KLHDC1: variants seen among roughly 807,000 people sequenced by gnomAD.
KLHDC1 encodes the protein kelch domain containing 1, also known as kelch domain-containing protein 1.
A neutral mutation model predicts 68.3 loss-of-function variants in KLHDC1; 53 were observed. The observed-to-expected ratio is 0.78, with a 90% CI of 0.62 to 0.98. The LOEUF (loss-of-function observed/expected upper bound fraction) is 0.98, where lower values mean the gene tolerates loss of function less well. Ranked by LOEUF, KLHDC1 falls within the 50% of genes least tolerant of loss-of-function variation. The pLI, the probability that KLHDC1 is intolerant of heterozygous loss-of-function variation, is 0.00. For missense variants in KLHDC1, 470 were observed against 492.3 expected (o/e 0.95, Z 0.43); for synonymous variants, 148 against 159.0 (o/e 0.93, Z 0.52).
chr14:49,749,884 C>T (rs1232009035), intron 12 of KLHDC1, among the ~76,000 whole-genome samples: 1 of 152,016 alleles, frequency 6.6e-6, no homozygotes, highest in Non-Finnish European at 1.5e-5. Flanking sequence ...ATGGCAAAAC[C>T]CCATCTCTAT....
At chr14:49,711,986 CG>C (rs1399697594) in intron 4 of KLHDC1, among the ~76,000 whole-genome samples, 3 of 135,344 alleles carry the variant, frequency 2.2e-5, no homozygotes, top group African/African-American at 8.3e-5. Flanking sequence ...GGTGCCATCT[CG>C]GCTCACTGTA....
chr14:49,737,094 G>C (rs137991285), intron 10 of KLHDC1, among the ~76,000 whole-genome samples: 46 of 152,288 alleles, frequency 3.0e-4, no homozygotes, highest in Non-Finnish European at 3.4e-4. Flanking sequence ...GTATCGCCAA[G>C]GTTACACATA....
At chr14:49,737,464 C>T (rs1888955192) in intron 10 of KLHDC1, among the ~76,000 whole-genome samples, 1 of 151,966 alleles carries the variant, frequency 6.6e-6, no homozygotes, top group Admixed American at 6.6e-5. Context: ...GTTATGTGTC[C>T]CAGTTCCTGG....
chr14:49,719,482 G>A (rs1241326271), intron 4 of KLHDC1, among the ~76,000 whole-genome samples: 1 of 151,686 alleles, frequency 6.6e-6, no homozygotes, highest in Non-Finnish European at 1.5e-5. Flanking sequence ...AGGCTGAAGT[G>A]CAGTGATGCG....
intron 3 of KLHDC1, 118 bp from the exon 4 acceptor site, chr14:49,710,145 G>T: frequency 1.7e-6 from 1 of 581,380 alleles, no homozygotes; most frequent in Non-Finnish European, 3.0e-6. Context: ...ATTTTAATAG[G>T]TAACAAGCTT....
chr14:49,695,116 ATGTGTGTGTGTGTGTGTG>A (rs71115393), intron 1 of KLHDC1, among the ~76,000 whole-genome samples: 2 of 142,094 alleles, frequency 1.4e-5, no homozygotes, highest in Admixed American at 7.1e-5. Context: ...TGCAGTTTTG[ATGTGTGTGTGTGTGTGTG>A]TGTGTGTGTG....
chr14:49,713,821 TATATATATATATATATATATATATATA>T (rs1888281847), intron 4 of KLHDC1, among the ~76,000 whole-genome samples: 4 of 3,160 alleles, frequency 1.3e-3, no homozygotes, highest in African/African-American at 2.1e-3. Flanking sequence ...TATATATATA[TATATATATATATATATATATATATATA>T]TATTTTTTTT....
chr14:49,739,108 C>T (rs894857243), intron 10 of KLHDC1, among the ~76,000 whole-genome samples: 3 of 152,174 alleles, frequency 2.0e-5, no homozygotes, highest in African/African-American at 7.2e-5. Flanking sequence ...GTAACAGAAC[C>T]AGTTTTGGGT....
At chr14:49,731,352 A>G (rs891740761) in intron 8 of KLHDC1, among the ~76,000 whole-genome samples, 1 of 152,236 alleles carries the variant, frequency 6.6e-6, no homozygotes. Flanking sequence ...AACAAATTGT[A>G]TCTTCCAAAA....
At chr14:49,698,804 C>A (rs1037293523) in intron 1 of KLHDC1, among the ~76,000 whole-genome samples, 5 of 152,080 alleles carry the variant, frequency 3.3e-5, no homozygotes, top group Non-Finnish European at 7.4e-5. Context: ...GTGTGAGCCA[C>A]TGTGCCTGGC....
intron 4 of KLHDC1, among the ~76,000 whole-genome samples, chr14:49,722,327 CAT>C (rs974063955): frequency 6.6e-6 from 1 of 152,160 alleles, no homozygotes; most frequent in Non-Finnish European, 1.5e-5. Context: ...CAAGTGTTCT[CAT>C]TGTTCAGTTC....
In KLHDC1 at chr14:49,732,696, T is replaced by C. The variant is rs779694250; in HGVS notation, c.711-8T>C. The C allele has an allele frequency of 5.1e-6, 7 of 1,375,930 alleles. No individual in the cohort carries two copies. The highest frequency in any genetic ancestry group is 1.7e-5 in the Admixed American group (1 of 57,574). 85.2% of individuals were successfully genotyped at this position (1,375,930 alleles called of 1,614,324 possible). On this transcript the variant is annotated splice_region_variant and splice_polypyrimidine_tract_variant and intron_variant, in intron 8 of 12. Transcript: ENST00000359332. ...AGTACCTAGACTTTCTTTTTCTCCT[T>C]GCCACAGGATTACTATTAATGGAGA...
chr14:49,739,777 G>A (rs1227467215), intron 10 of KLHDC1, among the ~76,000 whole-genome samples: 2 of 152,164 alleles, frequency 1.3e-5, no homozygotes, highest in African/African-American at 2.4e-5. Context: ...CTGGCTGCGT[G>A]TGGTGGCTCA....
intron 12 of KLHDC1, chr14:49,751,155 A>G (rs1202191365): frequency 6.6e-6 from 1 of 152,278 alleles, no homozygotes; most frequent in Non-Finnish European, 1.5e-5. Context: ...GGTAAGCCAT[A>G]TATTCTGTTT....
intron 11 of KLHDC1, among the ~76,000 whole-genome samples, chr14:49,741,567 G>A (rs934961521): frequency 2.6e-5 from 4 of 151,920 alleles, no homozygotes; most frequent in African/African-American, 4.8e-5. Flanking sequence ...TCAGCCTCCC[G>A]AAGTGCAGGG....
rs772018327 is a variant in KLHDC1, at chr14:49,693,314, G to C, written c.96+24G>C. On this transcript the variant is annotated intron_variant, in intron 1 of 12. Coordinates refer to ENST00000359332, the MANE Select transcript of KLHDC1 (RefSeq NM_172193.3). The stretch of plus-strand genomic sequence containing the variant: ...TGGTAAGGGGAAGAGGCGGGACGGG[G>C]TAGACTCGCGCCGGGAGACCCTCGG... 10 of 1,437,032 alleles carry C rather than the reference G, an allele frequency of 7.0e-6. No homozygotes were observed. In the African/African-American group the frequency reaches 1.5e-4, roughly 21 times the overall value. The allele number at this position is 1,437,032 out of a possible 1,614,324, so 89.0% of individuals were successfully genotyped here. A position where few individuals can be genotyped will look rare whatever the true frequency, so the allele number is the denominator to read the frequency against.
intron 4 of KLHDC1, 108 bp from the exon 5 acceptor site, chr14:49,723,766 C>T: frequency 1.6e-6 from 1 of 618,150 alleles, no homozygotes; most frequent in Non-Finnish European, 2.8e-6. Context: ...TCTTTTTAAA[C>T]TGTGATTTTG....
At chr14:49,713,840 A>T (rs1484244854) in intron 4 of KLHDC1, among the ~76,000 whole-genome samples, 9,435 of 14,866 alleles carry the variant, frequency 0.63, 2,817 homozygotes, top group East Asian at 0.84. Flanking sequence ...ATATATATAT[A>T]TATATATATA....
At chr14:49,722,129 TTTG>T (rs1395674262) in intron 4 of KLHDC1, among the ~76,000 whole-genome samples, 2 of 152,328 alleles carry the variant, frequency 1.3e-5, no homozygotes, top group African/African-American at 2.4e-5. Flanking sequence ...TTTCCTTTTT[TTTG>T]TTGTTATTAT....
Sources: gnomAD v4.1 joint callset for allele counts (sites outside exome capture counted in the v4.1 genomes callset) on GRCh38, gnomAD v4.1.1 for gene constraint, MANE v1.5 for transcripts, NCBI Gene and HGNC (gene_info 2026-07-23, HGNC 2026-07-21) for gene names.